ADK: variants seen among roughly 807,000 people sequenced by gnomAD.
ADK encodes N6,N6-dimethyladenosine kinase.
In ADK, 24 loss-of-function variants were observed where a neutral mutation model predicts 44.7. The observed-to-expected ratio is 0.54, with a 90% confidence interval of 0.39 to 0.76. The LOEUF (loss-of-function observed/expected upper bound fraction) is 0.76. ADK is among the 30% of genes least tolerant of loss of function. The probability of loss-of-function intolerance (pLI) is 0.00; values close to 1 mark genes in which losing one functional copy is unlikely to be tolerated. For missense variants in ADK, 321 were observed against 425.1 expected (o/e 0.76, Z 2.15); for synonymous variants, 128 against 142.6 (o/e 0.90, Z 0.73).
chr10:74,235,684 G>A (rs1022777312), intron 3 of ADK, among the ~76,000 whole-genome samples: 2 of 152,226 alleles, frequency 1.3e-5, no homozygotes, highest in African/African-American at 4.8e-5. Flanking sequence ...CTGTGTGGGA[G>A]TGAGCTTACT....
chr10:74,257,445 A>G (rs560811121), intron 3 of ADK, among the ~76,000 whole-genome samples: 15 of 152,330 alleles, frequency 9.8e-5, no homozygotes, highest in African/African-American at 2.6e-4. Flanking sequence ...TTTCATAATA[A>G]TCTATATGTA....
intron 2 of ADK, among the ~76,000 whole-genome samples, chr10:74,202,045 C>A (rs569685079): frequency 6.6e-6 from 1 of 152,138 alleles, no homozygotes; most frequent in Non-Finnish European, 1.5e-5. Flanking sequence ...AGGACATTTT[C>A]ATCACCCCAA....
intron 2 of ADK, among the ~76,000 whole-genome samples, 186 bp from the exon 3 acceptor site, chr10:74,224,352 C>T (rs1223332371): frequency 5.3e-5 from 8 of 152,110 alleles, no homozygotes; most frequent in Non-Finnish European, 1.2e-4. Context: ...CTTTCAGTTC[C>T]TGGAGTGGTG....
intron 8 of ADK, among the ~76,000 whole-genome samples, chr10:74,596,369 A>G (rs1851926415): frequency 6.6e-6 from 1 of 152,122 alleles, no homozygotes; most frequent in Admixed American, 6.6e-5. Context: ...TTCAGATTTA[A>G]TGAGTACTTT....
At chr10:74,654,134 C>A (rs1240238656) in intron 9 of ADK, among the ~76,000 whole-genome samples, 1 of 152,144 alleles carries the variant, frequency 6.6e-6, no homozygotes, top group Non-Finnish European at 1.5e-5. Context: ...GAAATAGCTG[C>A]TTCTTCAAAA....
At chr10:74,586,888 C>T (rs1851546466) in intron 7 of ADK, among the ~76,000 whole-genome samples, 2 of 150,792 alleles carry the variant, frequency 1.3e-5, no homozygotes, top group African/African-American at 2.4e-5. Flanking sequence ...TATATATATA[C>T]ACACACACAT....
intron 6 of ADK, among the ~76,000 whole-genome samples, chr10:74,404,715 G>A (rs1015347161): frequency 1.8e-4 from 27 of 152,042 alleles, no homozygotes; most frequent in Admixed American, 1.3e-3. Context: ...GACCAGGTGC[G>A]GTGGCTCACA....
intron 6 of ADK, among the ~76,000 whole-genome samples, chr10:74,454,783 T>C (rs1260214453): frequency 2.0e-5 from 3 of 152,194 alleles, no homozygotes; most frequent in African/African-American, 7.2e-5. Context: ...GGTGAAATGA[T>C]AGGGTATGAA....
At chr10:74,398,636 G>T (rs1843606154) in intron 6 of ADK, 57 bp downstream of exon 6, 23 of 942,758 alleles carry the variant, frequency 2.4e-5, no homozygotes, top group Non-Finnish European at 3.8e-5. Flanking sequence ...GATTATAGTT[G>T]TTGTCTGATA....
At chr10:74,373,843 T>C (rs1842742687) in intron 4 of ADK, among the ~76,000 whole-genome samples, 1 of 152,188 alleles carries the variant, frequency 6.6e-6, no homozygotes, top group African/African-American at 2.4e-5. Context: ...CAAATGTTTA[T>C]AGCAGCATTA....
chr10:74,269,185 G>C (rs1178634157), intron 3 of ADK, among the ~76,000 whole-genome samples: 2 of 151,872 alleles, frequency 1.3e-5, no homozygotes, highest in Non-Finnish European at 2.9e-5. Flanking sequence ...ATCTATTTGG[G>C]TTAATGCGTG....
chr10:74,176,333 T>C (rs1005093922), intron 1 of ADK, among the ~76,000 whole-genome samples: 1 of 152,166 alleles, frequency 6.6e-6, no homozygotes, highest in Non-Finnish European at 1.5e-5. Context: ...TGTTGCTTTT[T>C]TTCCCCCCAC....
At chr10:74,299,330 C>CT (rs1045564728) in intron 3 of ADK, among the ~76,000 whole-genome samples, 4 of 79,088 alleles carry the variant, frequency 5.1e-5, no homozygotes, top group Non-Finnish European at 6.4e-5. Flanking sequence ...CCCATCTCTA[C>CT]TTAAAAAAAA....
chr10:74,518,507 C>A (rs1848684469), intron 6 of ADK, among the ~76,000 whole-genome samples: 1 of 152,170 alleles, frequency 6.6e-6, no homozygotes, highest in African/African-American at 2.4e-5. Flanking sequence ...ACTCTTACTC[C>A]TGTTTATTGA....
chr10:74,447,208 AG>A (rs752542953), intron 6 of ADK, among the ~76,000 whole-genome samples: 1 of 152,158 alleles, frequency 6.6e-6, no homozygotes, highest in Non-Finnish European at 1.5e-5. Context: ...AATGAGACCA[AG>A]GGGCTTACAT....
intron 9 of ADK, among the ~76,000 whole-genome samples, chr10:74,644,826 G>T (rs779392118): frequency 6.6e-6 from 1 of 152,060 alleles, no homozygotes; most frequent in African/African-American, 2.4e-5. Flanking sequence ...CACCATACCC[G>T]GCCTGGTTTT....
In ADK at chr10:74,346,522, A is replaced by C. The variant is rs533691013; in HGVS notation, c.273+31777A>C. ...CTATAAATTTTAAAACCAGAAAGAC[A>C]ACACTAGAATCAATTAAATGCAAGA... On this transcript the variant is annotated intron_variant, in intron 4 of 10. Transcript: ENST00000539909. Among the ~76,000 whole-genome samples the C allele has an allele frequency of 3.9e-5, 6 of 152,268 alleles. No individual in the cohort carries two copies. The South Asian group carries it at 1.2e-3, about 32-fold the overall frequency.
chr10:74,270,698 T>C (rs2132407145), intron 3 of ADK, among the ~76,000 whole-genome samples: 1 of 152,348 alleles, frequency 6.6e-6, no homozygotes, highest in African/African-American at 2.4e-5. Context: ...AGAAATGCTT[T>C]TGAATTTACA....
At chr10:74,321,510 C>T (rs1840807876) in intron 4 of ADK, among the ~76,000 whole-genome samples, 1 of 152,126 alleles carries the variant, frequency 6.6e-6, no homozygotes, top group South Asian at 2.1e-4. Context: ...TCTTGAACTC[C>T]TGGGCTCAAA....
Sources: allele counts gnomAD v4.1 joint callset (sites outside exome capture counted in the v4.1 genomes callset), GRCh38; gene constraint gnomAD v4.1.1; transcripts MANE v1.5; gene names NCBI Gene and HGNC (gene_info 2026-07-23, HGNC 2026-07-21).